The following NELL1 variants were observed in gnomAD, a reference collection of about 807,000 sequenced individuals.
The protein encoded by NELL1 is protein kinase C-binding protein NELL1.
In NELL1, 76 loss-of-function variants were observed where a neutral mutation model predicts 107.4. That is an observed-to-expected ratio of 0.71 (90% CI 0.59 to 0.86). The LOEUF is 0.86. Among genes scored for constraint, NELL1 ranks in the 40% least tolerant of loss-of-function variants. NELL1 has a pLI of 0.00. For synonymous variants in NELL1, 353 were observed against 341.2 expected (o/e 1.03, Z -0.38); for missense variants, 1,024 against 1,005.5 (o/e 1.02, Z -0.25).
At chr11:21,090,446 A>G (rs11025912) in intron 12 of NELL1, among the ~76,000 whole-genome samples, 1,724 of 152,300 alleles carry the variant, frequency 0.011, 30 homozygotes, top group African/African-American at 0.04. Flanking sequence ...CTATTAAAAA[A>G]AGCATTTATG....
chr11:21,474,069 A>G (rs1011370266), intron 15 of NELL1, among the ~76,000 whole-genome samples: 59 of 152,132 alleles, frequency 3.9e-4, no homozygotes, highest in Admixed American at 3.7e-3. Flanking sequence ...TGACACTAAG[A>G]TGTGATCTCA....
chr11:21,288,045 T>TAAAGGAAGGAAGGAAAG (rs1849164153), intron 14 of NELL1, among the ~76,000 whole-genome samples: 3 of 143,770 alleles, frequency 2.1e-5, no homozygotes, highest in Non-Finnish European at 3.0e-5. Context: ...AAAGAAAAAA[T>TAAAGGAAGGAAGGAAAG]AAGGGAAGGA....
chr11:20,825,329 AC>A (rs2134029619), intron 3 of NELL1, among the ~76,000 whole-genome samples: 1 of 151,258 alleles, frequency 6.6e-6, no homozygotes, highest in East Asian at 1.9e-4. Context: ...TGTCCTCCAG[AC>A]CCCAGAATGG....
intron 12 of NELL1, among the ~76,000 whole-genome samples, chr11:21,007,149 A>T (rs1277585764): frequency 2.6e-5 from 4 of 152,120 alleles, no homozygotes; most frequent in African/African-American, 7.2e-5. Flanking sequence ...TCTCATAAGT[A>T]GGGAGACAAG....
chr11:21,220,631 T>C (rs974099486), intron 13 of NELL1, among the ~76,000 whole-genome samples: 5 of 152,156 alleles, frequency 3.3e-5, no homozygotes, highest in Admixed American at 1.3e-4. Context: ...TTTGTAGCTA[T>C]TGTAAATGCA....
At chr11:20,936,200 C>T (rs1174380635) in intron 9 of NELL1, among the ~76,000 whole-genome samples, 1 of 152,088 alleles carries the variant, frequency 6.6e-6, no homozygotes, top group Non-Finnish European at 1.5e-5. Flanking sequence ...TCGGAGTTGT[C>T]CTCAGTTGGA....
chr11:20,796,182 A>T, intron 3 of NELL1, among the ~76,000 whole-genome samples: 1 of 152,192 alleles, frequency 6.6e-6, no homozygotes, highest in East Asian at 1.9e-4. Flanking sequence ...TGAAATAGTA[A>T]TTAGCTTTTC....
At chr11:21,417,093 C>G (rs1852536834) in intron 15 of NELL1, among the ~76,000 whole-genome samples, 2 of 151,992 alleles carry the variant, frequency 1.3e-5, no homozygotes, top group South Asian at 4.1e-4. Flanking sequence ...ATAATATATA[C>G]TATTAAATGT....
rs1313168695 is a variant in NELL1, at chr11:21,483,882, C to CAT, written c.1646-50491_1646-50490insTA. On this transcript the variant is annotated intron_variant, in intron 15 of 19. Transcript: ENST00000357134. The stretch of plus-strand genomic sequence containing the variant: ...ATACATATACAAACACACACACACA[C>CAT]ACATATATATATATATATAAAATAT... Among the ~76,000 whole-genome samples, 853 of 118,462 alleles carry CAT rather than the reference C, an allele frequency of 7.2e-3. 13 individuals are homozygous for CAT. The highest frequency in any genetic ancestry group is 0.023 in the African/African-American group (812 of 35,140). 77.7% of individuals were successfully genotyped at this position (118,462 alleles called of 152,430 possible).
At chr11:20,775,996 T>C (rs1336818099) in intron 2 of NELL1, among the ~76,000 whole-genome samples, 4 of 152,220 alleles carry the variant, frequency 2.6e-5, no homozygotes, top group African/African-American at 4.8e-5. Flanking sequence ...CCTTTTTTTC[T>C]TATATTGTGT....
chr11:21,057,196 A>C (rs902129880), intron 12 of NELL1, among the ~76,000 whole-genome samples: 1 of 152,158 alleles, frequency 6.6e-6, no homozygotes, highest in Non-Finnish European at 1.5e-5. Context: ...AAGGCATTTC[A>C]TAAGACATAA....
chr11:21,335,910 G>A (rs1476186495), intron 14 of NELL1, among the ~76,000 whole-genome samples: 1 of 152,006 alleles, frequency 6.6e-6, no homozygotes, highest in Non-Finnish European at 1.5e-5. Context: ...CCATTCTTAA[G>A]CAAAGTTTGC....
chr11:21,059,485 C>T (rs918446364), intron 12 of NELL1, among the ~76,000 whole-genome samples: 59 of 152,120 alleles, frequency 3.9e-4, no homozygotes, highest in African/African-American at 1.4e-3. Context: ...GATTTTAGTC[C>T]TGATGATACC....
chr11:21,219,276 C>T (rs1392360005), intron 13 of NELL1, among the ~76,000 whole-genome samples: 1 of 152,018 alleles, frequency 6.6e-6, no homozygotes, highest in Non-Finnish European at 1.5e-5. Flanking sequence ...CATATTGCTG[C>T]CTGCTTTTAA....
chr11:20,977,025 G>T (rs925104720), intron 12 of NELL1, among the ~76,000 whole-genome samples: 1 of 151,848 alleles, frequency 6.6e-6, no homozygotes, highest in Admixed American at 6.6e-5. Context: ...TAAAGTTTGG[G>T]TATGATGTTT....
chr11:20,782,761 A>G (rs940391766), intron 2 of NELL1, among the ~76,000 whole-genome samples: 1 of 152,188 alleles, frequency 6.6e-6, no homozygotes, highest in African/African-American at 2.4e-5. Flanking sequence ...TTCATTTATC[A>G]TCCTCTGAAT....
chr11:20,971,439 C>T (rs868591943), intron 12 of NELL1, among the ~76,000 whole-genome samples: 10 of 152,100 alleles, frequency 6.6e-5, no homozygotes, highest in South Asian at 4.1e-4. Context: ...GAAATGTAGT[C>T]GCTTTAAACT....
chr11:21,562,551 T>C (rs1354333275), intron 17 of NELL1, among the ~76,000 whole-genome samples: 1 of 152,048 alleles, frequency 6.6e-6, no homozygotes, highest in African/African-American at 2.4e-5. Flanking sequence ...GTCACCATTA[T>C]AAAATGAACT....
chr11:20,859,081 A>G (rs918266156), intron 4 of NELL1, among the ~76,000 whole-genome samples: 1 of 152,136 alleles, frequency 6.6e-6, no homozygotes, highest in Non-Finnish European at 1.5e-5. Flanking sequence ...ACATGCTCCA[A>G]AGCATTGTGG....
Sources: allele counts gnomAD v4.1 joint callset (sites outside exome capture counted in the v4.1 genomes callset), GRCh38; gene constraint gnomAD v4.1.1; transcripts MANE v1.5; gene names NCBI Gene and HGNC (gene_info 2026-07-23, HGNC 2026-07-21).